KIZ: variants seen among roughly 807,000 people sequenced by gnomAD.
KIZ encodes centrosomal protein kizuna.
KIZ carries 68 observed loss-of-function variants against 79.6 expected under a neutral mutation model. The ratio of observed to expected loss-of-function variants is 0.85; its 90% CI spans 0.70 to 1.05. KIZ has a LOEUF of 1.05. Ranked by LOEUF, KIZ falls within the 50% of genes least tolerant of loss-of-function variation. The pLI, the probability that KIZ is intolerant of heterozygous loss-of-function variation, is 0.00. For synonymous variants in KIZ, 280 were observed against 281.8 expected (o/e 0.99, Z 0.06); for missense variants, 797 against 800.4 (o/e 1.00, Z 0.05).
At chr20:21,208,804 G>A (rs2035948090) in intron 7 of KIZ, among the ~76,000 whole-genome samples, 2 of 152,136 alleles carry the variant, frequency 1.3e-5, no homozygotes, top group African/African-American at 4.8e-5. Flanking sequence ...ATGCAGGCGG[G>A]GCAAGCCTTG....
chr20:21,176,863 G>C (rs1214472440), intron 6 of KIZ, among the ~76,000 whole-genome samples: 1 of 152,242 alleles, frequency 6.6e-6, no homozygotes, highest in Non-Finnish European at 1.5e-5. Context: ...GGACTTGGTA[G>C]AGAAATTATG....
intron 6 of KIZ, among the ~76,000 whole-genome samples, chr20:21,183,557 G>A (rs1361466652): frequency 6.6e-6 from 1 of 152,178 alleles, no homozygotes; most frequent in Non-Finnish European, 1.5e-5. Context: ...TAATGGGAAT[G>A]CTTTTAATGA....
At chr20:21,233,751 T>C (rs2036908124) in intron 11 of KIZ, among the ~76,000 whole-genome samples, 1 of 152,192 alleles carries the variant, frequency 6.6e-6, no homozygotes, top group Admixed American at 6.5e-5. Context: ...CCTATTTTTA[T>C]TCATATTTTA....
intron 6 of KIZ, among the ~76,000 whole-genome samples, chr20:21,184,280 G>C (rs1042983862): frequency 6.6e-6 from 1 of 151,840 alleles, no homozygotes; most frequent in Non-Finnish European, 1.5e-5. Flanking sequence ...CCCAAGTAGA[G>C]CTGGGATTAC....
At chr20:21,199,535 C>A (rs769446411) in intron 6 of KIZ, among the ~76,000 whole-genome samples, 85 of 152,280 alleles carry the variant, frequency 5.6e-4, no homozygotes, top group Non-Finnish European at 1.0e-3. Context: ...AAAAAAGTGC[C>A]AAGTGTTTGT....
At chr20:21,165,521 GAGA>G (rs895204015) in intron 6 of KIZ, among the ~76,000 whole-genome samples, 5 of 152,178 alleles carry the variant, frequency 3.3e-5, no homozygotes, top group African/African-American at 9.7e-5. Context: ...GTTATTTTAG[GAGA>G]AGGACAGTGT....
chr20:21,179,673 C>A lies in KIZ; in HGVS notation c.1352+16514C>A, dbSNP rs531960535. 5.3e-5 allele frequency among the ~76,000 whole-genome samples: 8 copies of A among 151,852 alleles called. No individual in the cohort carries two copies. The East Asian group carries it at 1.5e-3, about 29-fold the overall frequency. ...TGTGAAGTTAGGTTGTTGATTTAAG[C>A]TTTTCTTCTTTTTAAATGTAAGTTT... On this transcript the variant is annotated intron_variant, in intron 6 of 12. Transcript: ENST00000619189.
At chr20:21,180,028 GC>G (rs1229009925) in intron 6 of KIZ, among the ~76,000 whole-genome samples, 1 of 152,170 alleles carries the variant, frequency 6.6e-6, no homozygotes, top group African/African-American at 2.4e-5. Context: ...GAATGCTATT[GC>G]GTTTGGGTGG....
Position 21,162,425 on chromosome 20 carries a change from C to G in KIZ, c.960C>G (p.Val320=), listed in dbSNP as rs1485652494. Residue 320 remains valine (V), a synonymous_variant, in exon 5 of 13, where the codon GTC becomes GTG. Coordinates refer to ENST00000619189, the MANE Select transcript of KIZ (RefSeq NM_018474.6). The part of the protein sequence containing the change: ...EVEEKRASPP[V]SPIPVSEYCE... ...AGGAAAAAAGAGCCAGCCCGCCAGTCTCTCCGATACCAGTTTCAGAATACT... is the reference window on the plus strand; with the variant it reads ...AGGAAAAAAGAGCCAGCCCGCCAGTGTCTCCGATACCAGTTTCAGAATACT... The G allele has an allele frequency of 1.9e-6, 3 of 1,613,030 alleles. No homozygotes were observed. The highest frequency in any genetic ancestry group is 1.1e-5 in the South Asian group (1 of 91,032).
chr20:21,219,214 G>A (rs994173294), intron 9 of KIZ, among the ~76,000 whole-genome samples: 9 of 151,820 alleles, frequency 5.9e-5, no homozygotes, highest in African/African-American at 7.3e-5. Flanking sequence ...ATTATAGAGC[G>A]TAGCTCAGTA....
At chr20:21,214,736 G>T in intron 8 of KIZ, 36 bp downstream of exon 8, 1 of 1,391,572 alleles carries the variant, frequency 7.2e-7, no homozygotes, top group Non-Finnish European at 1.0e-6. Context: ...ACAGCAAAAA[G>T]GCATTCAGGG....
At chr20:21,192,323 TTTGA>T (rs2035144519) in intron 6 of KIZ, among the ~76,000 whole-genome samples, 1 of 149,698 alleles carries the variant, frequency 6.7e-6, no homozygotes. Flanking sequence ...TGTTATTTTG[TTTGA>T]TTATTAGCGA....
intron 6 of KIZ, among the ~76,000 whole-genome samples, chr20:21,191,793 A>G (rs2035116101): frequency 6.6e-6 from 1 of 152,008 alleles, no homozygotes; most frequent in Non-Finnish European, 1.5e-5. Flanking sequence ...TATGAGGTTA[A>G]CCAACAAGTT....
At chr20:21,190,545 G>A (rs2035066640) in intron 6 of KIZ, among the ~76,000 whole-genome samples, 2 of 152,170 alleles carry the variant, frequency 1.3e-5, no homozygotes, top group South Asian at 4.1e-4. Flanking sequence ...GGGATAACCG[G>A]TATGCCACAA....
At chr20:21,165,146 G>A (rs759368629) in intron 6 of KIZ, among the ~76,000 whole-genome samples, 1 of 152,206 alleles carries the variant, frequency 6.6e-6, no homozygotes, top group Non-Finnish European at 1.5e-5. Context: ...TTTAGGGTCT[G>A]TTGGGGGCCT....
chr20:21,191,892 AAGG>A (rs1452878173), intron 6 of KIZ, among the ~76,000 whole-genome samples: 1 of 151,704 alleles, frequency 6.6e-6, no homozygotes, highest in Non-Finnish European at 1.5e-5. Flanking sequence ...GTAACAGTAA[AAGG>A]AGTTTAGTGA....
intron 2 of KIZ, among the ~76,000 whole-genome samples, chr20:21,134,423 C>T (rs1400213354): frequency 6.6e-6 from 1 of 152,104 alleles, no homozygotes; most frequent in African/African-American, 2.4e-5. Flanking sequence ...GCCTCCATTT[C>T]TTCTTCTGTC....
chr20:21,185,102 G>A (rs140839730), intron 6 of KIZ, among the ~76,000 whole-genome samples: 47 of 151,906 alleles, frequency 3.1e-4, no homozygotes, highest in Non-Finnish European at 5.9e-5. Context: ...GTGTATGCAC[G>A]TGCACGTGCT....
At chr20:21,219,536 T>G (rs1374976523) in intron 9 of KIZ, among the ~76,000 whole-genome samples, 1 of 152,128 alleles carries the variant, frequency 6.6e-6, no homozygotes, top group African/African-American at 2.4e-5. Flanking sequence ...CAGGCTGGTC[T>G]CCAACTCCCG....
Sources: allele counts gnomAD v4.1 joint callset (sites outside exome capture counted in the v4.1 genomes callset), GRCh38; gene constraint gnomAD v4.1.1; transcripts MANE v1.5; gene names NCBI Gene and HGNC (gene_info 2026-07-23, HGNC 2026-07-21).